RBFOX1: variants seen among roughly 807,000 people sequenced by gnomAD.
RBFOX1 encodes RNA binding fox-1 homolog 1, also known as RNA binding protein fox-1 homolog 1.
Under a neutral mutation model 57.7 loss-of-function variants are expected in RBFOX1, and 8 were observed. The observed-to-expected ratio is 0.14, with a 90% confidence interval of 0.08 to 0.25. The LOEUF (loss-of-function observed/expected upper bound fraction) is 0.25. RBFOX1 is among the 10% of genes least tolerant of loss of function. RBFOX1 has a pLI of 1.00. For synonymous variants in RBFOX1, 326 were observed against 222.4 expected (o/e 1.47, Z -4.15); for missense variants, 611 against 548.5 (o/e 1.11, Z -1.14).
At chr16:7,197,821 A>G (rs1222575283) in intron 4 of RBFOX1, among the ~76,000 whole-genome samples, 2 of 152,106 alleles carry the variant, frequency 1.3e-5, no homozygotes, top group African/African-American at 4.8e-5. Flanking sequence ...CAGACACAAA[A>G]GGTCACATGT....
intron 15 of RBFOX1, chr16:7,709,701 T>C: frequency 1.8e-6 from 2 of 1,123,748 alleles, no homozygotes; most frequent in South Asian, 2.7e-5. Context: ...ATCAGCTGGG[T>C]TTGGGGGTTG....
chr16:5,356,801 T>G (rs751204188), intron 1 of RBFOX1, among the ~76,000 whole-genome samples: 5 of 152,224 alleles, frequency 3.3e-5, no homozygotes, highest in Non-Finnish European at 7.3e-5. Context: ...CTTTGATGTC[T>G]AGTTGACATC....
intron 4 of RBFOX1, among the ~76,000 whole-genome samples, chr16:6,003,154 T>C (rs1313341700): frequency 1.3e-5 from 2 of 151,908 alleles, no homozygotes; most frequent in Non-Finnish European, 2.9e-5. Context: ...TGGCGGGCGG[T>C]TGTAGTCCCA....
At chr16:5,242,088 T>C (rs1449212337) in intron 1 of RBFOX1, among the ~76,000 whole-genome samples, 2 of 151,982 alleles carry the variant, frequency 1.3e-5, no homozygotes, top group Admixed American at 6.6e-5. Context: ...CACTCCAGTC[T>C]AGGTGACAAA....
At chr16:7,706,739 C>G (rs897478448) in intron 14 of RBFOX1, among the ~76,000 whole-genome samples, 6 of 152,096 alleles carry the variant, frequency 3.9e-5, no homozygotes, top group African/African-American at 7.2e-5. Flanking sequence ...AAAAATAACC[C>G]TATTAACAGA....
intron 1 of RBFOX1, among the ~76,000 whole-genome samples, chr16:6,264,976 C>T (rs931091128): frequency 4.6e-5 from 7 of 152,248 alleles, no homozygotes; most frequent in Admixed American, 6.5e-5. Flanking sequence ...TAAGAGCAAA[C>T]GCTTGACACC....
intron 3 of RBFOX1, among the ~76,000 whole-genome samples, chr16:6,931,268 A>G (rs1443873840): frequency 6.7e-6 from 1 of 150,364 alleles, no homozygotes; most frequent in African/African-American, 2.4e-5. Flanking sequence ...CCAAAAAAAA[A>G]AAATCTATCT....
At chr16:6,003,228 G>C (rs1246017696) in intron 4 of RBFOX1, among the ~76,000 whole-genome samples, 3 of 149,558 alleles carry the variant, frequency 2.0e-5, no homozygotes, top group Non-Finnish European at 4.4e-5. Context: ...CCGGTGAGCC[G>C]AGATCGCGCC....
At chr16:5,500,441 T>A (rs919488529) in intron 2 of RBFOX1, among the ~76,000 whole-genome samples, 1 of 152,108 alleles carries the variant, frequency 6.6e-6, no homozygotes, top group Non-Finnish European at 1.5e-5. Context: ...CAGGCTGTCT[T>A]GAACTCCTGG....
chr16:6,654,297 G>A (rs1171440871), intron 2 of RBFOX1, among the ~76,000 whole-genome samples: 5 of 152,154 alleles, frequency 3.3e-5, no homozygotes, highest in South Asian at 2.1e-4. Flanking sequence ...CAATTGTATG[G>A]AGGGCAGATT....
At position 5,972,829 on chromosome 16, in the gene RBFOX1, T is replaced by C. The variant is rs181581405; in HGVS notation, c.351+105494T>C. Among the ~76,000 whole-genome samples the C allele has an allele frequency of 2.8e-4, 42 of 152,356 alleles. 1 individual carries two copies. Among genetic ancestry groups the C allele is most frequent in the African/African-American group, 9.4e-4 (39 of 41,590 alleles). On this transcript the variant is annotated intron_variant, in intron 4 of 19. Transcript: ENST00000641259. ...ACCATGCACCCTTGGCTGTTTGGCT[T>C]CCTTAGTAGCAGGGGAGGTAAATCT...
chr16:7,414,529 G>C (rs1597844667), intron 4 of RBFOX1, among the ~76,000 whole-genome samples: 1 of 152,216 alleles, frequency 6.6e-6, no homozygotes, highest in Non-Finnish European at 1.5e-5. Context: ...ATAGAAAAGT[G>C]TGACTTTCCA....
At position 7,527,311 on chromosome 16, in the gene RBFOX1, C is replaced by T. The variant is rs539381541; in HGVS notation, c.270+8922C>T. On this transcript the variant is annotated intron_variant, in intron 5 of 15. Transcript: ENST00000550418. ...AGGATAAACTAAAGACCTTTATTAC[C>T]CAATACTGTGCCTGTTTTATTATTT... is the stretch of plus-strand genomic sequence containing the variant. Among the ~76,000 whole-genome samples the T allele has an allele frequency of 2.0e-5, 3 of 152,164 alleles. 1 individual carries two copies. In the South Asian group the frequency reaches 6.2e-4, roughly 32 times the overall value.
chr16:7,420,751 T>C (rs1286312369), intron 4 of RBFOX1, among the ~76,000 whole-genome samples: 1 of 151,690 alleles, frequency 6.6e-6, no homozygotes, highest in Non-Finnish European at 1.5e-5. Context: ...CTAGAGCATT[T>C]TTTTCTTTAT....
chr16:7,093,795 C>G (rs776060933), intron 4 of RBFOX1, among the ~76,000 whole-genome samples: 3 of 152,038 alleles, frequency 2.0e-5, no homozygotes, highest in African/African-American at 7.3e-5. Flanking sequence ...TCCTGAAATT[C>G]TGTTTACATG....
intron 2 of RBFOX1, among the ~76,000 whole-genome samples, chr16:6,486,222 C>T (rs747512033): frequency 6.6e-6 from 1 of 151,122 alleles, no homozygotes; most frequent in Non-Finnish European, 1.5e-5. Context: ...GGTACACACT[C>T]CTCATTGTTG....
chr16:5,383,989 C>T (rs1216759007), intron 1 of RBFOX1, among the ~76,000 whole-genome samples: 1 of 152,204 alleles, frequency 6.6e-6, no homozygotes, highest in East Asian at 1.9e-4. Flanking sequence ...GCTTCACTAT[C>T]AGGAAGTCCC....
At chr16:7,084,205 A>G (rs1025612342) in intron 4 of RBFOX1, among the ~76,000 whole-genome samples, 1 of 152,188 alleles carries the variant, frequency 6.6e-6, no homozygotes, top group Non-Finnish European at 1.5e-5. Context: ...GCAATTAAAT[A>G]TAACAGAACA....
At chr16:6,735,889 C>A (rs1438565232) in intron 3 of RBFOX1, among the ~76,000 whole-genome samples, 12 of 151,804 alleles carry the variant, frequency 7.9e-5, no homozygotes, top group African/African-American at 2.9e-4. Flanking sequence ...TGGAAATAAG[C>A]AGATGGTTGA....
Sources: gnomAD v4.1 joint callset for allele counts (sites outside exome capture counted in the v4.1 genomes callset) on GRCh38, gnomAD v4.1.1 for gene constraint, MANE v1.5 for transcripts, NCBI Gene and HGNC (gene_info 2026-07-23, HGNC 2026-07-21) for gene names.